Variants in MLF1 observed in about 807,000 individuals in gnomAD.
MLF1 encodes the protein myeloid leukemia factor 1.
In MLF1, 37 loss-of-function variants were observed where a neutral mutation model predicts 38.3. That is an observed-to-expected ratio of 0.96 (90% CI 0.74 to 1.27). MLF1 has a LOEUF of 1.27. Ranked by LOEUF, MLF1 falls within the 50% of genes most tolerant of loss-of-function variation. The pLI, the probability that MLF1 is intolerant of heterozygous loss-of-function variation, is 0.00. For synonymous variants in MLF1, 95 were observed against 106.5 expected (o/e 0.89, Z 0.66); for missense variants, 331 against 349.2 (o/e 0.95, Z 0.42).
intron 1 of MLF1, among the ~76,000 whole-genome samples, chr3:158,584,159 C>T (rs943753371): frequency 2.0e-5 from 3 of 152,124 alleles, no homozygotes; most frequent in African/African-American, 7.2e-5. Context: ...AGTATAGCCA[C>T]AGTCACTGGA....
chr3:158,600,433 A>ATAT (rs3046592), intron 6 of MLF1, among the ~76,000 whole-genome samples: 86,990 of 151,204 alleles, frequency 0.58, 25,776 homozygotes, highest in African/African-American at 0.72. Flanking sequence ...TTATTTAGTA[A>ATAT]TATCATTAGG....
In MLF1 at chr3:158,584,547, T is replaced by C. The variant is rs564851229; in HGVS notation, c.48-7887T>C. Among the ~76,000 whole-genome samples, 6 of 152,178 alleles carry C rather than the reference T, an allele frequency of 3.9e-5. No individual in the cohort carries two copies. In the South Asian group the frequency reaches 8.3e-4, roughly 21 times the overall value. The stretch of plus-strand genomic sequence containing the variant: ...GACACTGATCCTGAAAAGACACATA[T>C]GTTAGAATTAAAAGACAAGAATTTT... On this transcript the variant is annotated intron_variant, in intron 1 of 7. Transcript: ENST00000466246.
chr3:158,583,098 G>A (rs1285195193), intron 1 of MLF1, among the ~76,000 whole-genome samples: 4 of 152,116 alleles, frequency 2.6e-5, no homozygotes, highest in Admixed American at 6.6e-5. Context: ...AGTCTGCTCA[G>A]TAATTTCCAG....
Position 158,596,907 on chromosome 3 carries a change from A to T in MLF1, c.286A>T (p.Asn96Tyr), listed in dbSNP as rs1303664067. Residue 96 changes from asparagine to tyrosine, a missense_variant, in exon 4 of 8, where the codon AAT (asparagine) becomes TAT (tyrosine). By Grantham distance (143) the Asn-to-Tyr change is moderately radical (BLOSUM62 -2). Transcript: ENST00000466246. ...CCAGACAATGGACCAAATGGTGTCA[A>T]ATATGAGAAACTATATGCAGAAATT... is the stretch of plus-strand genomic sequence containing the variant. ...SFQTMDQMVSNMRNYMQKLER... is the reference protein window; with the variant it reads ...SFQTMDQMVSYMRNYMQKLER... 2 of 1,609,830 alleles carry T rather than the reference A, an allele frequency of 1.2e-6. No individual in the cohort carries two copies. Among genetic ancestry groups the T allele is most frequent in the African/African-American group, 2.7e-5 (2 of 74,836 alleles).
rs563319183 is a variant in MLF1, at chr3:158,601,719, G to A, written c.614-1088G>A. Among the ~76,000 whole-genome samples, 679 of 147,456 alleles carry A rather than the reference G, an allele frequency of 4.6e-3. 3 individuals are homozygous for A. The highest frequency in any genetic ancestry group is 8.1e-3 in the Non-Finnish European group (540 of 67,058). On this transcript the variant is annotated intron_variant, in intron 6 of 7. Coordinates refer to ENST00000466246, the MANE Select transcript of MLF1 (RefSeq NM_001369783.1). Reference sequence around the variant, plus strand: ...TTGCAGTGAGCCAAGATCACGCATTGCACTCCAGCCTGGGCAAAAGAGCAA... The same window carrying A: ...TTGCAGTGAGCCAAGATCACGCATTACACTCCAGCCTGGGCAAAAGAGCAA...
chr3:158,602,893 A>G lies in MLF1; in HGVS notation c.700A>G (p.Arg234Gly). 1 of 1,613,598 alleles carries G rather than the reference A, an allele frequency of 6.2e-7. No individual in the cohort carries two copies. The highest frequency in any genetic ancestry group is 1.1e-5 in the South Asian group (1 of 91,070). ...ACACAATCTAGGAAACACTAGAATG[A>G]GAAGTGTTGGCCATGAGAATCCTGG... is the stretch of plus-strand genomic sequence containing the variant. The part of the protein sequence containing the change: ...GRHNLGNTRM[R>G]SVGHENPGSR... The change falls in exon 7 of 8, where the codon AGA (arginine) becomes GGA (glycine). Residue 234 changes from arginine to glycine, a missense_variant. Coordinates refer to ENST00000466246, the MANE Select transcript of MLF1 (RefSeq NM_001369783.1).
Position 158,590,752 on chromosome 3 carries a change from C to T in MLF1, c.48-1682C>T, listed in dbSNP as rs140317159. ...GAGCAGGTAATTATCTGCAAAGAGACGAGGAAGCTTTTTGGAATGATAGAA... is the reference window on the plus strand; with the variant it reads ...GAGCAGGTAATTATCTGCAAAGAGATGAGGAAGCTTTTTGGAATGATAGAA... On this transcript the variant is annotated intron_variant, in intron 1 of 7. Coordinates refer to ENST00000466246, the MANE Select transcript of MLF1 (RefSeq NM_001369783.1). 1.6e-3 allele frequency: 726 copies of T among 455,848 alleles called. 5 individuals carry two copies. The highest frequency in any genetic ancestry group is 0.013 in the African/African-American group (664 of 50,122). The allele number at this position is 455,848 out of a possible 1,614,324, so 28.2% of individuals were successfully genotyped here.
chr3:158,601,440 C>T (rs1188528678), intron 6 of MLF1, among the ~76,000 whole-genome samples: 1 of 152,078 alleles, frequency 6.6e-6, no homozygotes, highest in African/African-American at 2.4e-5. Flanking sequence ...TGGTGGTGCA[C>T]GTGCCTGTAA....
chr3:158,575,447 A>G (rs1715281899), intron 1 of MLF1, among the ~76,000 whole-genome samples: 1 of 152,196 alleles, frequency 6.6e-6, no homozygotes, highest in Admixed American at 6.5e-5. Context: ...GGAGAAAAAG[A>G]ATATGAGTTT....
intron 1 of MLF1, chr3:158,591,251 C>A (rs1469367276): frequency 7.1e-6 from 3 of 422,282 alleles, no homozygotes; most frequent in African/African-American, 4.2e-5. Context: ...CTTCTGCCTC[C>A]CGGGTTCAAG....
chr3:158,599,899 GCA>G (rs1345637678), intron 5 of MLF1, 113 bp from the exon 6 acceptor site: 2 of 380,636 alleles, frequency 5.3e-6, no homozygotes, highest in Admixed American at 4.8e-5. Context: ...GTGGAACTGA[GCA>G]CACATTATTT....
At chr3:158,586,280 A>T (rs969997683) in intron 1 of MLF1, among the ~76,000 whole-genome samples, 4 of 152,120 alleles carry the variant, frequency 2.6e-5, no homozygotes, top group Admixed American at 6.5e-5. Flanking sequence ...AATATATATA[A>T]AAAAACCATA....
Position 158,602,934 on chromosome 3 carries a change from A to G in MLF1, c.741A>G (p.Lys247=). 1 of 1,609,682 alleles carries G rather than the reference A, an allele frequency of 6.2e-7. No individual in the cohort carries two copies. Among genetic ancestry groups the G allele is most frequent in the Non-Finnish European group, 8.5e-7 (1 of 1,178,612 alleles). ...GHENPGSREL[K]RREKPQQSPA... ...AGAATCCTGGCTCCCGAGAACTTAA[A>G]AGAAGGTAAAAGTTGTTTCTAAAAT... The change falls in exon 7 of 8, where the codon AAA becomes AAG. Residue 247 remains lysine, a synonymous_variant. Transcript: ENST00000466246.
chr3:158,576,527 T>TA (rs1715452010), intron 1 of MLF1, among the ~76,000 whole-genome samples: 1 of 152,176 alleles, frequency 6.6e-6, no homozygotes, highest in African/African-American at 2.4e-5. Flanking sequence ...TTCTATTTGA[T>TA]ACGAAACAGG....
At chr3:158,578,433 A>G (rs561182188) in intron 1 of MLF1, among the ~76,000 whole-genome samples, 13 of 151,394 alleles carry the variant, frequency 8.6e-5, no homozygotes, top group Non-Finnish European at 1.3e-4. Context: ...TTTAAAAACA[A>G]TAAATTATTC....
chr3:158,596,726 A>G (rs1429391708), intron 3 of MLF1, 136 bp from the exon 4 acceptor site: 5 of 540,530 alleles, frequency 9.3e-6, no homozygotes, highest in Non-Finnish European at 1.7e-5. Flanking sequence ...CCTCTAAGTT[A>G]TCTTTGTCTG....
chr3:158,583,184 A>T (rs55994650), intron 1 of MLF1, among the ~76,000 whole-genome samples: 50,174 of 151,858 alleles, frequency 0.33, 8,389 homozygotes, highest in Middle Eastern at 0.37. Flanking sequence ...GACGGGAAGA[A>T]TTTAATTTGC....
intron 1 of MLF1, 107 bp downstream of exon 1, chr3:158,571,454 G>A: frequency 2.8e-6 from 4 of 1,405,466 alleles, no homozygotes; most frequent in Non-Finnish European, 4.0e-6. Flanking sequence ...AGAATTCGGA[G>A]TAACTCTGGA....
chr3:158,596,215 C>G (rs562146015), intron 3 of MLF1, among the ~76,000 whole-genome samples: 1 of 151,988 alleles, frequency 6.6e-6, no homozygotes, highest in Non-Finnish European at 1.5e-5. Flanking sequence ...GGTTGAGAAA[C>G]TACTGTTTAG....
Sources: gnomAD v4.1 joint callset for allele counts (sites outside exome capture counted in the v4.1 genomes callset) on GRCh38, gnomAD v4.1.1 for gene constraint, MANE v1.5 for transcripts, NCBI Gene and HGNC (gene_info 2026-07-23, HGNC 2026-07-21) for gene names.